NDFIP1: variants seen among roughly 807,000 people sequenced by gnomAD.
The protein encoded by NDFIP1 is Nedd4 family interacting protein 1.
A neutral mutation model predicts 28.8 loss-of-function variants in NDFIP1; 7 were observed. That is an observed-to-expected ratio of 0.24 (90% CI 0.14 to 0.46). The LOEUF (loss-of-function observed/expected upper bound fraction) is 0.46, where lower values mean the gene tolerates loss of function less well. Ranked by LOEUF, NDFIP1 falls within the 20% of genes least tolerant of loss-of-function variation. The pLI, the probability that NDFIP1 is intolerant of heterozygous loss-of-function variation, is 0.99. For synonymous variants in NDFIP1, 92 were observed against 101.0 expected (o/e 0.91, Z 0.53); for missense variants, 194 against 269.1 (o/e 0.72, Z 1.95).
chr5:142,112,039 C>A (rs1757019188), intron 1 of NDFIP1, among the ~76,000 whole-genome samples: 1 of 150,324 alleles, frequency 6.7e-6, no homozygotes, highest in South Asian at 2.1e-4. Context: ...TGAACCCCAG[C>A]CTGGGTGACA....
intron 7 of NDFIP1, among the ~76,000 whole-genome samples, chr5:142,147,199 G>T (rs1449955865): frequency 6.6e-6 from 1 of 152,138 alleles, no homozygotes; most frequent in African/African-American, 2.4e-5. Flanking sequence ...ACTTACAGCA[G>T]AATTTAGAAT....
intron 1 of NDFIP1, among the ~76,000 whole-genome samples, chr5:142,113,962 T>A (rs1404540327): frequency 6.6e-6 from 1 of 152,252 alleles, no homozygotes; most frequent in African/African-American, 2.4e-5. Flanking sequence ...TGTTGACGGA[T>A]GCTTGGTTTG....
At chr5:142,149,029 A>G (rs544941166) in intron 7 of NDFIP1, among the ~76,000 whole-genome samples, 1 of 152,266 alleles carries the variant, frequency 6.6e-6, no homozygotes, top group Admixed American at 6.5e-5. Flanking sequence ...CATATGAAGC[A>G]TAATATATTT....
intron 2 of NDFIP1, 124 bp downstream of exon 2, chr5:142,132,019 T>C: frequency 2.7e-6 from 3 of 1,125,128 alleles, no homozygotes. Flanking sequence ...GTCTGGATTT[T>C]AAATAATTGA....
Position 142,122,591 on chromosome 5 carries a change from A to G in NDFIP1, c.64-9217A>G, listed in dbSNP as rs538547357. ...AAACAGTTTTCTAAAGTAGTTGTACAGGTTTATACTCCCATCAGTAGTGTA... is the reference window on the plus strand; with the variant it reads ...AAACAGTTTTCTAAAGTAGTTGTACGGGTTTATACTCCCATCAGTAGTGTA... On this transcript the variant is annotated intron_variant, in intron 1 of 7. Transcript: ENST00000253814. 3.9e-5 allele frequency among the ~76,000 whole-genome samples: 6 copies of G among 152,316 alleles called. 1 individual carries two copies. In the South Asian group the frequency reaches 1.2e-3, roughly 32 times the overall value.
chr5:142,132,246 A>G lies in NDFIP1; in HGVS notation c.186A>G (p.Pro62=). ...ACTACAAGGATGAGTCTGGGTTTCC[A>G]AAGCCCCCATCTTACAATGTAGCTA... ...YFDYKDESGF[P]KPPSYNVATT... is the part of the protein sequence containing the mutation. The change falls in exon 3 of 8, where the codon CCA becomes CCG. Residue 62 remains proline (P), a synonymous_variant. Transcript: ENST00000253814. 6.2e-7 allele frequency: 1 copy of G among 1,614,022 alleles called. No individual in the cohort carries two copies. Among genetic ancestry groups the G allele is most frequent in the Non-Finnish European group, 8.5e-7 (1 of 1,179,998 alleles).
intron 5 of NDFIP1, among the ~76,000 whole-genome samples, chr5:142,139,230 A>G (rs1207218711): frequency 6.6e-6 from 1 of 152,194 alleles, no homozygotes; most frequent in African/African-American, 2.4e-5. Flanking sequence ...AAAAAAAAAA[A>G]AAAAGTTAAA....
chr5:142,145,054 A>G (rs1757373750), intron 7 of NDFIP1, among the ~76,000 whole-genome samples: 1 of 152,080 alleles, frequency 6.6e-6, no homozygotes, highest in Non-Finnish European at 1.5e-5. Context: ...AGGCCTAATC[A>G]CTCATCTCTG....
intron 1 of NDFIP1, among the ~76,000 whole-genome samples, chr5:142,120,406 TG>T (rs975925020): frequency 4.7e-4 from 72 of 152,334 alleles, no homozygotes; most frequent in African/African-American, 1.7e-3. Context: ...CAAAACAGGT[TG>T]TTTTTTGGCT....
In NDFIP1 at chr5:142,123,026, A is replaced by T. The variant is rs547528171; in HGVS notation, c.64-8782A>T. On this transcript the variant is annotated intron_variant, in intron 1 of 7. Coordinates refer to ENST00000253814, the MANE Select transcript of NDFIP1 (RefSeq NM_030571.4). ...TGCCCAGGCTGGAGTGCAGTGGGGTAATCTCGGCTCACTGCAACCTCTACC... is the reference window on the plus strand; with the variant it reads ...TGCCCAGGCTGGAGTGCAGTGGGGTTATCTCGGCTCACTGCAACCTCTACC... Among the ~76,000 whole-genome samples, 4 of 151,688 alleles carry T rather than the reference A, an allele frequency of 2.6e-5. No homozygotes were observed. In the South Asian group the frequency reaches 8.4e-4, roughly 32 times the overall value.
intron 1 of NDFIP1, among the ~76,000 whole-genome samples, chr5:142,110,316 C>T (rs998004923): frequency 2.0e-5 from 3 of 152,146 alleles, no homozygotes; most frequent in Non-Finnish European, 4.4e-5. Context: ...GGGCAGCCTG[C>T]GGGTTCCTTA....
chr5:142,141,428 G>A (rs59181506), intron 6 of NDFIP1, among the ~76,000 whole-genome samples: 3 of 151,662 alleles, frequency 2.0e-5, no homozygotes, highest in Non-Finnish European at 2.9e-5. Context: ...CGCCCGCCTC[G>A]GCCTCCCAAA....
Position 142,151,757 on chromosome 5 carries a change from A to G in NDFIP1, c.*29A>G, listed in dbSNP as rs564372353. 1 of 152,896 alleles carries G rather than the reference A, an allele frequency of 6.5e-6. No homozygotes were observed. Among genetic ancestry groups the G allele is most frequent in the South Asian group, 2.1e-4 (1 of 4,824 alleles). 9.5% of individuals were successfully genotyped at this position (152,896 alleles called of 1,614,324 possible). A position where few individuals can be genotyped will look rare whatever the true frequency, so the allele number is the denominator to read the frequency against. ...TGTTTTCTGGCAAAGGCCTTCCTGCATTTATGAATTCTCTCTCAAGAAGCA... is the reference window on the plus strand; with the variant it reads ...TGTTTTCTGGCAAAGGCCTTCCTGCGTTTATGAATTCTCTCTCAAGAAGCA... On this transcript the variant is annotated 3_prime_UTR_variant, in exon 8 of 8. Transcript: ENST00000253814.
chr5:142,130,604 T>A lies in NDFIP1; in HGVS notation c.64-1204T>A, dbSNP rs141251112. Among the ~76,000 whole-genome samples, 402 of 151,578 alleles carry A rather than the reference T, an allele frequency of 2.7e-3. 2 individuals are homozygous for A. The highest frequency in any genetic ancestry group is 9.3e-3 in the African/African-American group (384 of 41,230). ...AGGAAGACCCCATCTCTACAAAACA[T>A]AAATTTTAAAAAAAGTTAGCCAGGG... On this transcript the variant is annotated intron_variant, in intron 1 of 7. Coordinates refer to ENST00000253814, the MANE Select transcript of NDFIP1 (RefSeq NM_030571.4).
intron 1 of NDFIP1, among the ~76,000 whole-genome samples, chr5:142,112,518 G>A (rs1426624228): frequency 6.9e-6 from 1 of 145,184 alleles, no homozygotes; most frequent in Non-Finnish European, 1.5e-5. Flanking sequence ...CAGGTTGGGT[G>A]AGCAAGACTG....
chr5:142,147,933 A>T (rs955523342), intron 7 of NDFIP1, among the ~76,000 whole-genome samples: 8 of 152,178 alleles, frequency 5.3e-5, no homozygotes, highest in African/African-American at 1.7e-4. Context: ...AGAGAACACA[A>T]ACTTTAGAAA....
intron 1 of NDFIP1, among the ~76,000 whole-genome samples, chr5:142,122,881 T>A (rs890216293): frequency 6.6e-6 from 1 of 152,202 alleles, no homozygotes; most frequent in Non-Finnish European, 1.5e-5. Context: ...CTGAAAAATA[T>A]ATCCTCCCGC....
At chr5:142,114,345 T>C (rs1757044646) in intron 1 of NDFIP1, among the ~76,000 whole-genome samples, 1 of 152,240 alleles carries the variant, frequency 6.6e-6, no homozygotes, top group Non-Finnish European at 1.5e-5. Flanking sequence ...CATGTGCTTA[T>C]TGGCCATTGA....
At position 142,109,031 on chromosome 5, in the gene NDFIP1, C is replaced by T; in HGVS notation, c.57C>T (p.Tyr19=). ...TCGAGCCGGCCTGCGGCAGCCGGTA[C>T]CAGCAGGTAAGCGGCGCCCGACTCC... is the stretch of plus-strand genomic sequence containing the variant. ...AAVEPACGSR[Y]QQLQNEEESG... The change falls in exon 1 of 8, where the codon TAC becomes TAT. Residue 19 remains tyrosine, a synonymous_variant. Transcript: ENST00000253814. 1 of 1,431,294 alleles carries T rather than the reference C, an allele frequency of 7.0e-7. No homozygotes were observed. The highest frequency in any genetic ancestry group is 9.1e-7 in the Non-Finnish European group (1 of 1,093,452). 88.7% of individuals were successfully genotyped at this position (1,431,294 alleles called of 1,614,324 possible).
Sources: gnomAD v4.1 joint callset for allele counts (sites outside exome capture counted in the v4.1 genomes callset) on GRCh38, gnomAD v4.1.1 for gene constraint, MANE v1.5 for transcripts, NCBI Gene and HGNC (gene_info 2026-07-23, HGNC 2026-07-21) for gene names.